CTCF: variants seen among roughly 807,000 people sequenced by gnomAD.
CTCF encodes transcriptional repressor CTCF.
CTCF carries 7 observed loss-of-function variants against 72.3 expected under a neutral mutation model. The ratio of observed to expected loss-of-function variants is 0.10; its 90% CI spans 0.06 to 0.18. The LOEUF (loss-of-function observed/expected upper bound fraction) is 0.18, where lower values mean the gene tolerates loss of function less well. Among genes scored for constraint, CTCF ranks in the 10% least tolerant of loss-of-function variants. The pLI, the probability that CTCF is intolerant of heterozygous loss-of-function variation, is 1.00. For synonymous variants in CTCF, 374 were observed against 315.8 expected (o/e 1.18, Z -1.95); for missense variants, 516 against 949.1 (o/e 0.54, Z 6.00).
At chr16:67,601,761 A>G (rs1446150989) in intron 2 of CTCF, among the ~76,000 whole-genome samples, 2 of 151,960 alleles carry the variant, frequency 1.3e-5, no homozygotes, top group African/African-American at 4.8e-5. Context: ...AACTTCTTGG[A>G]AGCACAGTTG....
At chr16:67,578,583 T>C (rs1479692290) in intron 2 of CTCF, among the ~76,000 whole-genome samples, 1 of 149,952 alleles carries the variant, frequency 6.7e-6, no homozygotes, top group African/African-American at 2.4e-5. Flanking sequence ...TCCACCCACC[T>C]CGGCCTCCCA....
intron 3 of CTCF, 71 bp from the exon 4 acceptor site, chr16:67,611,869 TATATTTGTAGA>T: frequency 7.9e-7 from 1 of 1,269,310 alleles, no homozygotes; most frequent in Non-Finnish European, 1.1e-6. Flanking sequence ...GCTAATCAAA[TATATTTGTAGA>T]AATTTAAGAT....
intron 1 of CTCF, chr16:67,563,531 C>T (rs1043311607): frequency 6.6e-6 from 1 of 152,204 alleles, no homozygotes; most frequent in African/African-American, 2.4e-5. Context: ...CGCTGCGCCC[C>T]CAAACTCGCG....
At chr16:67,563,286 G>A (rs1597668929) in intron 1 of CTCF, 1 of 152,308 alleles carries the variant, frequency 6.6e-6, no homozygotes, top group Non-Finnish European at 1.5e-5. Flanking sequence ...CCCCGTCCCC[G>A]GAACCTACCC....
At chr16:67,617,415 C>T (rs573063655) in intron 5 of CTCF, among the ~76,000 whole-genome samples, 1 of 152,264 alleles carries the variant, frequency 6.6e-6, no homozygotes, top group East Asian at 1.9e-4. Flanking sequence ...AGGAGAATGG[C>T]GTGAACCCCA....
chr16:67,580,018 C>G lies in CTCF; in HGVS notation c.-10+8754C>G, dbSNP rs535439815. The stretch of plus-strand genomic sequence containing the variant: ...ATGGTGGTTTCAGAAGGGAAGTCTT[C>G]TTGCTGATAATGGATTTACATTTTA... On this transcript the variant is annotated intron_variant, in intron 2 of 11. Transcript: ENST00000264010. Among the ~76,000 whole-genome samples, 5 of 152,252 alleles carry G rather than the reference C, an allele frequency of 3.3e-5. No individual in the cohort carries two copies. The East Asian group carries it at 7.7e-4, about 23-fold the overall frequency.
chr16:67,599,038 G>A (rs543916964), intron 2 of CTCF, among the ~76,000 whole-genome samples: 18 of 152,312 alleles, frequency 1.2e-4, no homozygotes, highest in Non-Finnish European at 1.6e-4. Context: ...GTTGAGGGGA[G>A]TTATAAATGG....
rs1430339540 is a variant in CTCF, at chr16:67,611,361, A to G, written c.529A>G (p.Thr177Ala). The G allele has an allele frequency of 6.2e-7, 1 of 1,614,144 alleles. No individual in the cohort carries two copies. The highest frequency in any genetic ancestry group is 1.7e-5 in the Admixed American group (1 of 60,012). ...VKVGANGEVE[T>A]LEQGELPPQE... The stretch of plus-strand genomic sequence containing the variant: ...AGTGGGGGCCAATGGAGAGGTGGAG[A>G]CACTAGAACAAGGGGAACTTCCACC... Residue 177 changes from threonine (T) to alanine (A), a missense_variant, in exon 3 of 12, where the codon ACA becomes GCA. By Grantham distance (58) the Thr-to-Ala change is moderately conservative. Around this residue, in one of 7 missense-constraint regions of CTCF, gnomAD observed 53 missense variants for 63.6 expected, o/e 0.83. Transcript: ENST00000264010.
intron 5 of CTCF, 49 bp from the exon 6 acceptor site, chr16:67,620,648 T>G (rs1002176941): frequency 6.8e-7 from 1 of 1,468,496 alleles, no homozygotes; most frequent in Non-Finnish European, 9.2e-7. Flanking sequence ...GTGCTCTTGT[T>G]ACAGTCTGTG....
Position 67,628,564 on chromosome 16 carries a change from A to G in CTCF, c.1701+12A>G. On this transcript the variant is annotated intron_variant, in intron 9 of 11. Transcript: ENST00000264010. ...CATTTACACGTCGGGTAAGGGTCAG[A>G]ACTTCACTTTGCCTGTTATGATACT... 3.7e-6 allele frequency: 6 copies of G among 1,612,036 alleles called. No individual in the cohort carries two copies. Among genetic ancestry groups the G allele is most frequent in the Non-Finnish European group, 5.1e-6 (6 of 1,178,238 alleles).
chr16:67,576,389 T>A (rs1567592739), intron 2 of CTCF, among the ~76,000 whole-genome samples: 1 of 151,906 alleles, frequency 6.6e-6, no homozygotes. Flanking sequence ...TAGTTTGGTT[T>A]GGGGGTCACT....
intron 7 of CTCF, among the ~76,000 whole-genome samples, chr16:67,622,640 AC>A (rs1361822958): frequency 1.7e-4 from 24 of 139,796 alleles, no homozygotes; most frequent in African/African-American, 5.5e-4. Flanking sequence ...ACCTACTCTT[AC>A]TTTTTTTTTT....
chr16:67,573,946 G>A (rs1049598887), intron 2 of CTCF, among the ~76,000 whole-genome samples: 5 of 151,884 alleles, frequency 3.3e-5, no homozygotes, highest in African/African-American at 1.2e-4. Flanking sequence ...CAGGAGAATC[G>A]CTTGAACCCG....
Position 67,611,061 on chromosome 16 carries a change from G to T in CTCF, c.229G>T (p.Val77Leu). 1 of 1,614,192 alleles carries T rather than the reference G, an allele frequency of 6.2e-7. No homozygotes were observed. The highest frequency in any genetic ancestry group is 8.5e-7 in the Non-Finnish European group (1 of 1,180,046). Residue 77 changes from valine to leucine, a missense_variant, in exon 3 of 12, where the codon GTA (valine) becomes TTA (leucine). Val to Leu is a conservative substitution (Grantham distance 32, BLOSUM62 1). Transcript: ENST00000264010. ...CACCCTTCTTCAGATGAAGACTGAAGTAATGGAGGGCACAGTGGCTCCAGA... is the reference window on the plus strand; with the variant it reads ...CACCCTTCTTCAGATGAAGACTGAATTAATGGAGGGCACAGTGGCTCCAGA... ...DPTLLQMKTE[V>L]MEGTVAPEAE...
At chr16:67,630,710 A>C (rs1274278923) in intron 10 of CTCF, among the ~76,000 whole-genome samples, 3 of 152,030 alleles carry the variant, frequency 2.0e-5, no homozygotes, top group Non-Finnish European at 4.4e-5. Context: ...AGCTGTGATC[A>C]CGCCACTGCC....
intron 2 of CTCF, among the ~76,000 whole-genome samples, chr16:67,595,522 T>C (rs992411197): frequency 2.0e-5 from 3 of 152,102 alleles, no homozygotes; most frequent in African/African-American, 7.2e-5. Flanking sequence ...CAAAAAAGCA[T>C]ATATTGTTGA....
chr16:67,564,822 G>T (rs1422507389), intron 1 of CTCF, among the ~76,000 whole-genome samples: 1 of 152,130 alleles, frequency 6.6e-6, no homozygotes, highest in Non-Finnish European at 1.5e-5. Flanking sequence ...TTCATATGCA[G>T]TCATCAGCTT....
intron 10 of CTCF, 145 bp from the exon 11 acceptor site, chr16:67,636,545 C>G: frequency 6.7e-6 from 1 of 149,990 alleles, no homozygotes; most frequent in Non-Finnish European, 1.1e-5. Flanking sequence ...GAGACTGTCT[C>G]AAAAAAAAAA....
chr16:67,604,816 GT>G, intron 2 of CTCF, among the ~76,000 whole-genome samples: 1 of 140,950 alleles, frequency 7.1e-6, no homozygotes. Flanking sequence ...TGTGGCTTAT[GT>G]TTGTGGCTTG....
Sources: allele counts gnomAD v4.1 joint callset (sites outside exome capture counted in the v4.1 genomes callset), GRCh38; gene constraint gnomAD v4.1.1; regional missense constraint gnomAD v4.1.1; transcripts MANE v1.5; gene names NCBI Gene and HGNC (gene_info 2026-07-23, HGNC 2026-07-21).